Variants in PPP4R3B observed in about 807,000 individuals in gnomAD.
The protein encoded by PPP4R3B is serine/threonine-protein phosphatase 4 regulatory subunit 3B.
PPP4R3B carries 52 observed loss-of-function variants against 95.4 expected under a neutral mutation model. The observed-to-expected ratio is 0.54, with a 90% CI of 0.44 to 0.69. The LOEUF is 0.69. Among genes scored for constraint, PPP4R3B ranks in the 30% least tolerant of loss-of-function variants. PPP4R3B has a pLI of 0.00. For synonymous variants in PPP4R3B, 407 were observed against 343.9 expected, an observed-to-expected ratio of 1.18 and a Z score of -2.03; for missense variants, 1,003 against 1,005.9, an observed-to-expected ratio of 1.00 and a Z score of 0.04.
intron 16 of PPP4R3B, among the ~76,000 whole-genome samples, chr2:55,555,417 A>C (rs1279633021): frequency 6.6e-5 from 10 of 152,022 alleles, no homozygotes; most frequent in Non-Finnish European, 1.0e-4. Context: ...AAAGTTTCCA[A>C]TATGAAAGAA....
chr2:55,559,001 A>T, intron 15 of PPP4R3B, 33 bp from the exon 16 acceptor site: 2 of 1,523,386 alleles, frequency 1.3e-6, no homozygotes, highest in South Asian at 1.2e-5. Context: ...AACGTATATC[A>T]ATAAATACTG....
At position 55,581,681 on chromosome 2, in the gene PPP4R3B, A is replaced by G; in HGVS notation, c.1251T>C (p.Asn417=). ...QQSDDDILLI[N]VVIEQMICDT... Reference sequence around the variant, plus strand: ...CACAGATCATTTGTTCAATTACCACATTAATAAGAAGAATATCCTGGTGGC... The same window carrying G: ...CACAGATCATTTGTTCAATTACCACGTTAATAAGAAGAATATCCTGGTGGC... Residue 417 remains asparagine (N), a synonymous_variant, in exon 8 of 17, where the codon AAT becomes AAC. Transcript: ENST00000616407. 6.2e-7 allele frequency: 1 copy of G among 1,612,954 alleles called. No individual in the cohort carries two copies. The highest frequency in any genetic ancestry group is 2.2e-5 in the East Asian group (1 of 44,794).
chr2:55,564,446 C>T lies in PPP4R3B; in HGVS notation c.2127G>A (p.Leu709=), dbSNP rs1489324960. 6.2e-7 allele frequency: 1 copy of T among 1,613,222 alleles called. No homozygotes were observed. The highest frequency in any genetic ancestry group is 2.2e-5 in the East Asian group (1 of 44,810). The change falls in exon 15 of 17, where the codon TTG becomes TTA. Residue 709 remains leucine (L), a synonymous_variant. Transcript: ENST00000616407. ...TAAACCACATTTCTTCATCCTCTTC[C>T]AAGGCTTTTGCATCTCTGCGAAATC... ...SNRFRRDAKA[L]EEDEEMWFNE...
intron 3 of PPP4R3B, among the ~76,000 whole-genome samples, 153 bp from the exon 4 acceptor site, chr2:55,599,192 C>G (rs749554285): frequency 5.3e-5 from 8 of 152,328 alleles, no homozygotes; most frequent in Non-Finnish European, 1.2e-4. Flanking sequence ...AATCCCAGCA[C>G]TTTAGGTGGC....
At chr2:55,613,208 G>T (rs1694427848) in intron 2 of PPP4R3B, among the ~76,000 whole-genome samples, 1 of 151,862 alleles carries the variant, frequency 6.6e-6, no homozygotes, top group South Asian at 2.1e-4. Context: ...CCCCTAAATG[G>T]CCCTATGATT....
chr2:55,602,814 G>A (rs1280908841), intron 3 of PPP4R3B, among the ~76,000 whole-genome samples: 1 of 152,122 alleles, frequency 6.6e-6, no homozygotes, highest in African/African-American at 2.4e-5. Flanking sequence ...ATAATAAACT[G>A]TAACTGTGAG....
intron 16 of PPP4R3B, among the ~76,000 whole-genome samples, chr2:55,558,223 C>G (rs370267540): frequency 2.4e-4 from 37 of 152,226 alleles, no homozygotes; most frequent in African/African-American, 8.4e-4. Context: ...ACTAAACTAT[C>G]CAAGAAAATA....
intron 4 of PPP4R3B, among the ~76,000 whole-genome samples, chr2:55,597,594 C>A (rs909239169): frequency 6.6e-6 from 1 of 150,968 alleles, no homozygotes; most frequent in African/African-American, 2.4e-5. Flanking sequence ...TGCACTTCAG[C>A]CTGGGCGACC....
chr2:55,549,868 CAGCATTGTAAG>C lies in PPP4R3B; in HGVS notation c.*32_*42del. On this transcript the variant is annotated 3_prime_UTR_variant, in exon 17 of 17. Coordinates refer to ENST00000616407, the MANE Select transcript of PPP4R3B (RefSeq NM_001122964.3). ...AGATTTTCAGCTCACTGAACAGTTGCAGCATTGTAAGACCACATGTTGAGGGTCCCCTAATA... is the reference window on the plus strand; with the variant it reads ...AGATTTTCAGCTCACTGAACAGTTGCACCACATGTTGAGGGTCCCCTAATA... 7.2e-7 allele frequency: 1 copy of C among 1,397,486 alleles called. No homozygotes were observed. The highest frequency in any genetic ancestry group is 1.2e-5 in the South Asian group (1 of 86,316). 86.6% of individuals were successfully genotyped at this position (1,397,486 alleles called of 1,614,324 possible).
At chr2:55,609,667 C>CAAAAAAAAA (rs58617547) in intron 2 of PPP4R3B, among the ~76,000 whole-genome samples, 2 of 103,504 alleles carry the variant, frequency 1.9e-5, no homozygotes, top group African/African-American at 3.8e-5. Flanking sequence ...GACTGTGTCT[C>CAAAAAAAAA]AAAAAAAAAA....
rs1436386350 is a variant in PPP4R3B, at chr2:55,547,994, G to A, written c.*1917C>T. 5 of 152,146 alleles carry A rather than the reference G, an allele frequency of 3.3e-5. No individual in the cohort carries two copies. The highest frequency in any genetic ancestry group is 1.2e-4 in the African/African-American group (5 of 41,434). The allele number at this position is 152,146 out of a possible 1,614,324, so 9.4% of individuals were successfully genotyped here. On this transcript the variant is annotated 3_prime_UTR_variant, in exon 17 of 17. Transcript: ENST00000616407. ...AGAAATTTACTAAAAGCTGAGAGAT[G>A]GGTCTCGATAAAATTTGATGATTCA...
intron 11 of PPP4R3B, among the ~76,000 whole-genome samples, chr2:55,576,894 A>G (rs1688758909): frequency 6.6e-6 from 1 of 152,202 alleles, no homozygotes; most frequent in African/African-American, 2.4e-5. Context: ...AGGTGCACAC[A>G]GCACATGTCT....
At chr2:55,613,996 G>A (rs1395148449) in intron 2 of PPP4R3B, among the ~76,000 whole-genome samples, 1 of 151,922 alleles carries the variant, frequency 6.6e-6, no homozygotes, top group Non-Finnish European at 1.5e-5. Context: ...ACATCTTCAG[G>A]TTTTCAATTC....
chr2:55,554,873 A>T (rs555238027), intron 16 of PPP4R3B, among the ~76,000 whole-genome samples: 21 of 152,336 alleles, frequency 1.4e-4, no homozygotes, highest in Admixed American at 1.1e-3. Flanking sequence ...TTAGACTTTT[A>T]ACTTTTACAT....
At chr2:55,586,262 A>AG (rs1397196698) in intron 6 of PPP4R3B, among the ~76,000 whole-genome samples, 2 of 152,188 alleles carry the variant, frequency 1.3e-5, no homozygotes, top group Admixed American at 1.3e-4. Flanking sequence ...CAAAACTCTA[A>AG]GAACCATGCC....
intron 4 of PPP4R3B, among the ~76,000 whole-genome samples, chr2:55,593,842 T>C (rs1211168191): frequency 6.6e-6 from 1 of 152,140 alleles, no homozygotes; most frequent in African/African-American, 2.4e-5. Flanking sequence ...AAGCATTATA[T>C]TAAAAAGACA....
chr2:55,601,230 G>T (rs1263715059), intron 3 of PPP4R3B, among the ~76,000 whole-genome samples: 1 of 151,176 alleles, frequency 6.6e-6, no homozygotes, highest in Non-Finnish European at 1.5e-5. Flanking sequence ...TATAACAGAT[G>T]CCTGGAAGGG....
intron 11 of PPP4R3B, among the ~76,000 whole-genome samples, chr2:55,574,358 G>A (rs1688376733): frequency 6.6e-6 from 1 of 151,408 alleles, no homozygotes; most frequent in Non-Finnish European, 1.5e-5. Flanking sequence ...ATATGAACAT[G>A]ATAATAATAC....
At chr2:55,550,188 C>T (rs186120220) in intron 16 of PPP4R3B, among the ~76,000 whole-genome samples, 182 bp from the exon 17 acceptor site, 3 of 152,260 alleles carry the variant, frequency 2.0e-5, no homozygotes, top group East Asian at 3.9e-4. Flanking sequence ...ATTGGTAGCA[C>T]TTGCAGTAAC....
Sources: gnomAD v4.1 joint callset for allele counts (sites outside exome capture counted in the v4.1 genomes callset) on GRCh38, gnomAD v4.1.1 for gene constraint, MANE v1.5 for transcripts, NCBI Gene and HGNC (gene_info 2026-07-23, HGNC 2026-07-21) for gene names.